The following SLAIN2 variants were observed in gnomAD, a reference collection of about 807,000 sequenced individuals.
The protein encoded by SLAIN2 is SLAIN family member 2.
SLAIN2 carries 31 observed loss-of-function variants against 56.6 expected under a neutral mutation model. The ratio of observed to expected loss-of-function variants is 0.55; its 90% CI spans 0.41 to 0.74. The LOEUF (loss-of-function observed/expected upper bound fraction) is 0.74, where lower values mean the gene tolerates loss of function less well. Ranked by LOEUF, SLAIN2 falls within the 30% of genes least tolerant of loss-of-function variation. SLAIN2 has a pLI of 0.00. For synonymous variants in SLAIN2, 317 were observed against 284.9 expected (o/e 1.11, Z -1.13); for missense variants, 777 against 754.2 (o/e 1.03, Z -0.35).
At position 48,382,713 on chromosome 4, in the gene SLAIN2, C is replaced by T. The variant is rs1348323141; in HGVS notation, c.1008C>T (p.Tyr336=). Residue 336 remains tyrosine (Y), a synonymous_variant, in exon 5 of 8, where the codon TAC becomes TAT. Coordinates refer to ENST00000264313, the MANE Select transcript of SLAIN2 (RefSeq NM_020846.2). ...DEDDNMHHAV[Y]PAVNRFSPSP... ...ATGACAATATGCATCATGCAGTATA[C>T]CCTGCTGTTAACAGGTTTTCACCAT... 4.3e-6 allele frequency: 7 copies of T among 1,613,712 alleles called. No individual in the cohort carries two copies. The highest frequency in any genetic ancestry group is 3.4e-6 in the Non-Finnish European group (4 of 1,179,856).
At chr4:48,346,370 A>G (rs929251245) in intron 1 of SLAIN2, among the ~76,000 whole-genome samples, 1 of 152,124 alleles carries the variant, frequency 6.6e-6, no homozygotes, top group Non-Finnish European at 1.5e-5. Flanking sequence ...AGCCCATTTT[A>G]AGCTACATTC....
At chr4:48,414,637 C>A (rs533730589) in intron 6 of SLAIN2, among the ~76,000 whole-genome samples, 1 of 132,866 alleles carries the variant, frequency 7.5e-6, no homozygotes, top group Admixed American at 7.6e-5. Flanking sequence ...ATACATGTGC[C>A]ATGCTGGTGC....
intron 1 of SLAIN2, among the ~76,000 whole-genome samples, chr4:48,353,005 G>A (rs1715052860): frequency 6.6e-6 from 1 of 152,022 alleles, no homozygotes; most frequent in African/African-American, 2.4e-5. Context: ...TTCTCCCTTT[G>A]CCTGCTGCAA....
At chr4:48,352,913 C>T (rs747812430) in intron 1 of SLAIN2, among the ~76,000 whole-genome samples, 16 of 152,120 alleles carry the variant, frequency 1.1e-4, no homozygotes, top group Non-Finnish European at 2.4e-4. Flanking sequence ...GCGTTTTCCC[C>T]TATACTGTTC....
At chr4:48,357,070 T>C (rs1715175423) in intron 1 of SLAIN2, among the ~76,000 whole-genome samples, 2 of 151,302 alleles carry the variant, frequency 1.3e-5, no homozygotes, top group Non-Finnish European at 2.9e-5. Context: ...TTATTAGTAT[T>C]ATTGATAATA....
At chr4:48,393,123 A>C (rs1560460925) in intron 6 of SLAIN2, among the ~76,000 whole-genome samples, 1 of 152,066 alleles carries the variant, frequency 6.6e-6, no homozygotes, top group Non-Finnish European at 1.5e-5. Flanking sequence ...ATGTAATTCC[A>C]GCACTTCGGG....
chr4:48,381,597 G>T (rs547471618), intron 4 of SLAIN2, among the ~76,000 whole-genome samples: 1 of 152,226 alleles, frequency 6.6e-6, no homozygotes, highest in South Asian at 2.1e-4. Flanking sequence ...TACTATTTTG[G>T]TTCCCCGACT....
At chr4:48,357,460 C>A (rs748447413) in intron 1 of SLAIN2, among the ~76,000 whole-genome samples, 6 of 152,096 alleles carry the variant, frequency 3.9e-5, no homozygotes, top group Non-Finnish European at 8.8e-5. Flanking sequence ...TAGCTCACTG[C>A]AGCCTTGAAC....
chr4:48,353,009 G>A (rs1204206408), intron 1 of SLAIN2, among the ~76,000 whole-genome samples: 1 of 152,120 alleles, frequency 6.6e-6, no homozygotes, highest in Non-Finnish European at 1.5e-5. Context: ...CCCTTTGCCT[G>A]CTGCAATCCA....
chr4:48,371,224 C>T (rs1560455193), intron 2 of SLAIN2, among the ~76,000 whole-genome samples: 1 of 151,702 alleles, frequency 6.6e-6, no homozygotes, highest in African/African-American at 2.4e-5. Context: ...AGGTGCCCAC[C>T]ACCACTCCTG....
intron 1 of SLAIN2, among the ~76,000 whole-genome samples, chr4:48,359,709 T>C (rs116533457): frequency 0.02 from 3,092 of 152,352 alleles, 51 homozygotes; most frequent in Non-Finnish European, 0.03. Flanking sequence ...CTTAAAGAAA[T>C]AGTTATATTC....
intron 1 of SLAIN2, among the ~76,000 whole-genome samples, chr4:48,345,137 G>C (rs548860820): frequency 1.3e-5 from 2 of 152,200 alleles, no homozygotes; most frequent in Non-Finnish European, 2.9e-5. Flanking sequence ...ACCAGGATTT[G>C]AATCCAGGTC....
chr4:48,393,635 A>G (rs1716290580), intron 6 of SLAIN2, among the ~76,000 whole-genome samples: 1 of 152,172 alleles, frequency 6.6e-6, no homozygotes, highest in Admixed American at 6.5e-5. Context: ...GTTTAGAGTG[A>G]CAAGAGCTCT....
chr4:48,409,598 C>T (rs987925333), intron 6 of SLAIN2, among the ~76,000 whole-genome samples: 1 of 152,100 alleles, frequency 6.6e-6, no homozygotes, highest in Non-Finnish European at 1.5e-5. Flanking sequence ...GTGAATAATC[C>T]TGTGGTCAGA....
chr4:48,385,963 C>T, intron 6 of SLAIN2, among the ~76,000 whole-genome samples: 1 of 150,260 alleles, frequency 6.7e-6, no homozygotes, highest in Non-Finnish European at 1.5e-5. Flanking sequence ...TTTAATTACC[C>T]AGGCATGATG....
rs539273660 is a variant in SLAIN2 at position 48,347,262 on chromosome 4, A to G, written c.389+5134A>G. 2.3e-4 allele frequency among the ~76,000 whole-genome samples: 35 copies of G among 151,914 alleles called. No homozygotes were observed. The South Asian group carries it at 3.7e-3, about 16-fold the overall frequency. On this transcript the variant is annotated intron_variant, in intron 1 of 7. Transcript: ENST00000264313. ...TCAGGGACCGGTTTCGTGGAAGACA[A>G]TTTTTCTGTGGACCAGGGGTGGGGG...
At chr4:48,343,525 TAAATA>T (rs1688796521) in intron 1 of SLAIN2, among the ~76,000 whole-genome samples, 1 of 152,206 alleles carries the variant, frequency 6.6e-6, no homozygotes, top group Admixed American at 6.5e-5. Context: ...TTTGTGCAGT[TAAATA>T]AACTAGAAAG....
At chr4:48,380,831 A>C (rs1426883889) in intron 4 of SLAIN2, among the ~76,000 whole-genome samples, 1 of 152,160 alleles carries the variant, frequency 6.6e-6, no homozygotes, top group East Asian at 1.9e-4. Context: ...TTGTCTGTGT[A>C]TGTAATAGGT....
At chr4:48,365,216 C>T (rs2109749056) in intron 1 of SLAIN2, among the ~76,000 whole-genome samples, 1 of 151,900 alleles carries the variant, frequency 6.6e-6, no homozygotes, top group Non-Finnish European at 1.5e-5. Context: ...TGCCTGTAAT[C>T]CCAGTACTTT....
Sources: allele counts gnomAD v4.1 joint callset (sites outside exome capture counted in the v4.1 genomes callset), GRCh38; gene constraint gnomAD v4.1.1; transcripts MANE v1.5; gene names NCBI Gene and HGNC (gene_info 2026-07-23, HGNC 2026-07-21).